The following DNAAF9 variants were observed in gnomAD, a reference collection of about 807,000 sequenced individuals.
DNAAF9 encodes the protein dynein axonemal assembly factor 9.
In DNAAF9, 90 loss-of-function variants were observed where a neutral mutation model predicts 167.0. The observed-to-expected ratio is 0.54, with a 90% CI of 0.45 to 0.64. The LOEUF (loss-of-function observed/expected upper bound fraction) is 0.64, where lower values mean the gene tolerates loss of function less well. DNAAF9 is among the 30% of genes least tolerant of loss of function. The pLI, the probability that DNAAF9 is intolerant of heterozygous loss-of-function variation, is 0.00. For missense variants in DNAAF9, 1,315 were observed against 1,442.2 expected (o/e 0.91, Z 1.43); for synonymous variants, 491 against 508.8 (o/e 0.96, Z 0.47).
intron 9 of DNAAF9, among the ~76,000 whole-genome samples, chr20:3,341,264 T>C (rs913538922): frequency 6.6e-6 from 1 of 152,164 alleles, no homozygotes; most frequent in African/African-American, 2.4e-5. Flanking sequence ...GTGACTTCCA[T>C]GTAGCATACA....
In DNAAF9 at chr20:3,289,288, T is replaced by A. The variant is rs74800484; in HGVS notation, c.2327+841A>T. ...TATTCTAAAACTTAAAGTATAATTT[T>A]AAAAAATTAGTTAGGTGTGATGGTG... On this transcript the variant is annotated intron_variant, in intron 26 of 36. Transcript: ENST00000252032. Among the ~76,000 whole-genome samples, 1,212 of 152,174 alleles carry A rather than the reference T, an allele frequency of 8.0e-3. 17 individuals are homozygous for A. The highest frequency in any genetic ancestry group is 0.028 in the African/African-American group (1,152 of 41,548).
chr20:3,318,104 C>CT (rs751838555), intron 17 of DNAAF9, among the ~76,000 whole-genome samples, 185 bp downstream of exon 17: 2,375 of 132,732 alleles, frequency 0.018, 28 homozygotes, highest in Non-Finnish European at 0.026. Context: ...TAATGTTTCT[C>CT]TTTTTTTTTT....
rs190261218 is a variant in DNAAF9 at position 3,252,658 on chromosome 20, C to T, written c.3448G>A (p.Val1150Met). The T allele has an allele frequency of 8.1e-6, 13 of 1,608,826 alleles. No homozygotes were observed. Among genetic ancestry groups the T allele is most frequent in the Middle Eastern group, 1.7e-4 (1 of 6,048 alleles). The part of the protein sequence containing the change: ...PLMDQFMNDY[V>M]EEANREIEKY... ...TCAATTTCCCGGTTGGCTTCTTCCACGTAGTCATTCATGAACTGGTCCATG... is the reference window on the plus strand; with the variant it reads ...TCAATTTCCCGGTTGGCTTCTTCCATGTAGTCATTCATGAACTGGTCCATG... Residue 1150 changes from valine (V) to methionine (M), a missense_variant, in exon 37 of 37, where the codon GTG becomes ATG. This residue lies in a region of DNAAF9 where 334 missense variants were observed against 429.7 expected (regional missense o/e 0.78). Coordinates refer to ENST00000252032, the MANE Select transcript of DNAAF9 (RefSeq NM_001009984.3).
Position 3,355,889 on chromosome 20 carries a change from C to CTT in DNAAF9, c.690+3625_690+3626dup, listed in dbSNP as rs147977227. ...TGAGTTTTGATAACAGCTAATTTCT[C>CTT]TTTTTTTTTTCAGATCCAGTGCCGT... On this transcript the variant is annotated intron_variant, in intron 7 of 36. Transcript: ENST00000252032. Among the ~76,000 whole-genome samples, 373 of 145,982 alleles carry CTT rather than the reference C, an allele frequency of 2.6e-3. 1 individual carries two copies. Among genetic ancestry groups the CTT allele is most frequent in the African/African-American group, 8.5e-3 (338 of 39,906 alleles).
intron 6 of DNAAF9, chr20:3,360,059 A>G (rs1477824410): frequency 6.6e-6 from 1 of 152,484 alleles, no homozygotes; most frequent in Non-Finnish European, 1.5e-5. Context: ...CAGCACATAT[A>G]CTAAAATTGG....
At chr20:3,305,677 G>A (rs1037667253) in intron 20 of DNAAF9, among the ~76,000 whole-genome samples, 2 of 152,202 alleles carry the variant, frequency 1.3e-5, no homozygotes, top group Admixed American at 1.3e-4. Context: ...AAGGAAGGGA[G>A]GGGCCTAGTT....
intron 7 of DNAAF9, among the ~76,000 whole-genome samples, chr20:3,351,847 T>C (rs2070331805): frequency 7.0e-6 from 1 of 142,710 alleles, no homozygotes; most frequent in African/African-American, 2.7e-5. Flanking sequence ...TATTTATTTA[T>C]TTATTTATTT....
At chr20:3,257,359 A>C (rs1324435545) in intron 33 of DNAAF9, among the ~76,000 whole-genome samples, 5 of 151,750 alleles carry the variant, frequency 3.3e-5, no homozygotes, top group Non-Finnish European at 7.4e-5. Context: ...AAAAAGAAAA[A>C]AAATCAGCCA....
chr20:3,322,754 T>C (rs1434581015), intron 14 of DNAAF9, 58 bp from the exon 15 acceptor site: 9 of 1,236,592 alleles, frequency 7.3e-6, no homozygotes, highest in Non-Finnish European at 1.2e-6. Context: ...CTCAGATACC[T>C]GTGCAGGGTA....
intron 12 of DNAAF9, among the ~76,000 whole-genome samples, chr20:3,329,553 G>A (rs1214227379): frequency 3.3e-5 from 5 of 152,174 alleles, no homozygotes. Context: ...ATTTTCTATA[G>A]TATGATTATA....
intron 7 of DNAAF9, among the ~76,000 whole-genome samples, chr20:3,349,476 C>T (rs908085917): frequency 5.9e-5 from 9 of 152,134 alleles, no homozygotes; most frequent in Non-Finnish European, 1.2e-4. Flanking sequence ...AAGGATGGTA[C>T]CATGTCCAGT....
chr20:3,362,927 G>A (rs2083382075), intron 6 of DNAAF9, among the ~76,000 whole-genome samples: 1 of 152,110 alleles, frequency 6.6e-6, no homozygotes, highest in Non-Finnish European at 1.5e-5. Flanking sequence ...TTATCCAACA[G>A]CTAAGAAAGG....
intron 18 of DNAAF9, among the ~76,000 whole-genome samples, chr20:3,316,444 T>C (rs1461561382): frequency 6.6e-6 from 1 of 152,176 alleles, no homozygotes; most frequent in Non-Finnish European, 1.5e-5. Context: ...AGTTTCCTCA[T>C]TTGTAAAATG....
At chr20:3,305,249 T>G (rs1013984735) in intron 20 of DNAAF9, among the ~76,000 whole-genome samples, 1 of 152,094 alleles carries the variant, frequency 6.6e-6, no homozygotes, top group Admixed American at 6.5e-5. Context: ...ACAACTAAGA[T>G]GACAAAGATT....
intron 7 of DNAAF9, among the ~76,000 whole-genome samples, chr20:3,350,585 T>C (rs1453765869): frequency 2.0e-5 from 3 of 152,180 alleles, no homozygotes; most frequent in African/African-American, 2.4e-5. Context: ...AGCACTCAGA[T>C]TGTGGTGCTG....
intron 33 of DNAAF9, 63 bp from the exon 34 acceptor site, chr20:3,256,274 A>G: frequency 8.6e-7 from 1 of 1,161,970 alleles, no homozygotes; most frequent in Non-Finnish European, 1.3e-6. Flanking sequence ...CTATGCTAAG[A>G]CTGTGACAAT....
chr20:3,373,993 C>T, intron 6 of DNAAF9, 55 bp downstream of exon 6: 1 of 1,120,078 alleles, frequency 8.9e-7, no homozygotes, highest in East Asian at 2.4e-5. Flanking sequence ...ATGGGTTCTT[C>T]ATAAAAACAG....
At chr20:3,391,442 T>C (rs762443587) in intron 1 of DNAAF9, among the ~76,000 whole-genome samples, 2 of 152,178 alleles carry the variant, frequency 1.3e-5, no homozygotes, top group Non-Finnish European at 2.9e-5. Context: ...TTTAAAATTA[T>C]GTATGTTGAA....
intron 23 of DNAAF9, chr20:3,295,346 G>A (rs554819953): frequency 3.3e-5 from 6 of 181,306 alleles, no homozygotes; most frequent in Non-Finnish European, 6.9e-5. Flanking sequence ...TGCCCGGATA[G>A]TTTTTGTATT....
Sources: allele counts gnomAD v4.1 joint callset (sites outside exome capture counted in the v4.1 genomes callset), GRCh38; gene constraint gnomAD v4.1.1; regional missense constraint gnomAD v4.1.1; transcripts MANE v1.5; gene names NCBI Gene and HGNC (gene_info 2026-07-23, HGNC 2026-07-21).